NPAS3: variants seen among roughly 807,000 people sequenced by gnomAD.
NPAS3 encodes neuronal PAS domain-containing protein 3.
A neutral mutation model predicts 73.1 loss-of-function variants in NPAS3; 14 were observed. That is an observed-to-expected ratio of 0.19 (90% confidence interval 0.13 to 0.30). The LOEUF (loss-of-function observed/expected upper bound fraction) is 0.30. NPAS3 is among the 10% of genes least tolerant of loss of function. The pLI is 1.00. For missense variants in NPAS3, 1,096 were observed against 1,250.0 expected (o/e 0.88, Z 1.86); for synonymous variants, 620 against 541.5 (o/e 1.14, Z -2.01).
intron 1 of NPAS3, among the ~76,000 whole-genome samples, chr14:32,987,644 G>GTAACAACAA (rs2038151230): frequency 6.6e-6 from 1 of 151,988 alleles, no homozygotes; most frequent in African/African-American, 2.4e-5. Context: ...ATTGATGACA[G>GTAACAACAA]TAACAACAAT....
chr14:33,514,815 T>TAAA (rs1231538974), intron 4 of NPAS3, among the ~76,000 whole-genome samples: 1 of 152,094 alleles, frequency 6.6e-6, no homozygotes, highest in African/African-American at 2.4e-5. Context: ...AAAGTCATTT[T>TAAA]TAATCCAATT....
intron 4 of NPAS3, among the ~76,000 whole-genome samples, chr14:33,389,379 T>C (rs1392733130): frequency 6.6e-6 from 1 of 152,240 alleles, no homozygotes; most frequent in Non-Finnish European, 1.5e-5. Context: ...CATAAATTGC[T>C]GTGAGAACAC....
At chr14:33,281,144 G>A (rs1370260397) in intron 3 of NPAS3, among the ~76,000 whole-genome samples, 1 of 152,134 alleles carries the variant, frequency 6.6e-6, no homozygotes, top group Non-Finnish European at 1.5e-5. Flanking sequence ...TGTAGTCAGT[G>A]ACTTTCTGTT....
intron 9 of NPAS3, among the ~76,000 whole-genome samples, chr14:33,783,602 G>C (rs1308494224): frequency 7.0e-6 from 1 of 142,076 alleles, no homozygotes; most frequent in Non-Finnish European, 1.5e-5. Context: ...GGGTGGTGTG[G>C]GGGGGCGGGT....
At chr14:33,717,095 ATGT>A (rs2060976899) in intron 6 of NPAS3, among the ~76,000 whole-genome samples, 1 of 150,718 alleles carries the variant, frequency 6.6e-6, no homozygotes, top group Non-Finnish European at 1.5e-5. Context: ...ATGGGAGTTG[ATGT>A]TGTTAGAAGG....
At chr14:33,437,122 C>T (rs1441883759) in intron 4 of NPAS3, among the ~76,000 whole-genome samples, 1 of 152,142 alleles carries the variant, frequency 6.6e-6, no homozygotes, top group East Asian at 1.9e-4. Flanking sequence ...ACGAAGGCAG[C>T]GCAGGAGTTA....
At chr14:33,025,173 G>A (rs529296560) in intron 1 of NPAS3, among the ~76,000 whole-genome samples, 9 of 152,296 alleles carry the variant, frequency 5.9e-5, no homozygotes, top group African/African-American at 2.2e-4. Flanking sequence ...GAAAGTAGAA[G>A]GCAGCTGGCT....
intron 3 of NPAS3, among the ~76,000 whole-genome samples, chr14:33,320,717 C>T (rs1214552873): frequency 6.6e-6 from 1 of 152,216 alleles, no homozygotes; most frequent in Non-Finnish European, 1.5e-5. Flanking sequence ...ATGTTCAATA[C>T]ATGCATGAAG....
At chr14:33,114,400 C>A (rs2042993602) in intron 2 of NPAS3, among the ~76,000 whole-genome samples, 1 of 152,014 alleles carries the variant, frequency 6.6e-6, no homozygotes. Flanking sequence ...GATTCATGTG[C>A]TGAAAGTCAT....
rs149266089 is a variant in NPAS3, at chr14:33,306,322, G to A, written c.386-60864G>A. Among the ~76,000 whole-genome samples, 750 of 152,196 alleles carry A rather than the reference G, an allele frequency of 4.9e-3. 7 individuals carry two copies. The highest frequency in any genetic ancestry group is 0.017 in the African/African-American group (720 of 41,522). ...AAACTGACCTAGTGATATTAAATTG[G>A]TACAAAGCTCAAAATCAGTATTTAA... On this transcript the variant is annotated intron_variant, in intron 3 of 11. Coordinates refer to ENST00000356141, the Ensembl canonical transcript of NPAS3.
intron 7 of NPAS3, 41 bp downstream of exon 7, chr14:33,735,373 C>T: frequency 7.4e-7 from 1 of 1,353,332 alleles, no homozygotes; most frequent in Non-Finnish European, 1.1e-6. Flanking sequence ...TGTCTCAGGC[C>T]AGTCCTAGGT....
At chr14:33,405,498 G>A (rs976758836) in intron 4 of NPAS3, among the ~76,000 whole-genome samples, 3 of 152,016 alleles carry the variant, frequency 2.0e-5, no homozygotes, top group Non-Finnish European at 4.4e-5. Flanking sequence ...AAATTTGACT[G>A]CTTCTTTGTA....
chr14:33,747,759 G>A (rs1206031179), intron 7 of NPAS3, among the ~76,000 whole-genome samples: 1 of 152,198 alleles, frequency 6.6e-6, no homozygotes, highest in Non-Finnish European at 1.5e-5. Context: ...TTGACTTACA[G>A]CAGCATTTAC....
intron 5 of NPAS3, among the ~76,000 whole-genome samples, chr14:33,592,938 GCAAAC>G (rs2057119345): frequency 6.6e-6 from 1 of 151,996 alleles, no homozygotes; most frequent in South Asian, 2.1e-4. Flanking sequence ...TGAAAATTTT[GCAAAC>G]TTACCTAGGG....
chr14:33,136,447 A>G (rs1266464475), intron 2 of NPAS3, among the ~76,000 whole-genome samples: 1 of 152,212 alleles, frequency 6.6e-6, no homozygotes, highest in East Asian at 1.9e-4. Flanking sequence ...TAACACATTG[A>G]TAATGCAGGC....
At chr14:32,984,477 A>G (rs1412417232) in intron 1 of NPAS3, among the ~76,000 whole-genome samples, 1 of 152,164 alleles carries the variant, frequency 6.6e-6, no homozygotes, top group East Asian at 1.9e-4. Context: ...ATTTTGTTTT[A>G]TGAGTCTTTG....
At chr14:33,791,029 T>C (rs905984895) in intron 9 of NPAS3, among the ~76,000 whole-genome samples, 9 of 152,238 alleles carry the variant, frequency 5.9e-5, no homozygotes, top group African/African-American at 2.2e-4. Context: ...TATCTGTAGT[T>C]ATCTAGATTC....
intron 3 of NPAS3, among the ~76,000 whole-genome samples, chr14:33,245,369 G>T (rs1196477809): frequency 6.6e-6 from 1 of 152,072 alleles, no homozygotes; most frequent in Non-Finnish European, 1.5e-5. Flanking sequence ...CCAGTTAGAA[G>T]AACCACAATT....
intron 2 of NPAS3, among the ~76,000 whole-genome samples, chr14:33,197,321 G>C (rs980403309): frequency 2.0e-5 from 3 of 151,192 alleles, no homozygotes; most frequent in African/African-American, 7.3e-5. Context: ...TACAGATGAA[G>C]AGCAGTACCT....
Sources: allele counts gnomAD v4.1 joint callset (sites outside exome capture counted in the v4.1 genomes callset), GRCh38; gene constraint gnomAD v4.1.1; transcripts MANE v1.5; gene names NCBI Gene and HGNC (gene_info 2026-07-23, HGNC 2026-07-21).